Variants in KCNMA1 observed in about 807,000 individuals in gnomAD.
KCNMA1 encodes potassium calcium-activated channel subfamily M alpha 1.
A neutral mutation model predicts 140.0 loss-of-function variants in KCNMA1; 29 were observed. The ratio of observed to expected loss-of-function variants is 0.21; its 90% CI spans 0.15 to 0.28. The LOEUF (loss-of-function observed/expected upper bound fraction) is 0.28, where lower values mean the gene tolerates loss of function less well. Among genes scored for constraint, KCNMA1 ranks in the 10% least tolerant of loss-of-function variants. The pLI is 1.00. For missense variants in KCNMA1, 880 were observed against 1,602.2 expected (o/e 0.55, Z 7.70); for synonymous variants, 612 against 611.9 (o/e 1.00, Z 0.00).
At chr10:77,393,215 G>A (rs918085141) in intron 2 of KCNMA1, among the ~76,000 whole-genome samples, 1 of 152,226 alleles carries the variant, frequency 6.6e-6, no homozygotes. Flanking sequence ...CCTTTCAGAT[G>A]GCCCTGCCCA....
intron 2 of KCNMA1, among the ~76,000 whole-genome samples, chr10:77,375,033 C>T (rs888615853): frequency 1.5e-5 from 1 of 66,500 alleles, no homozygotes; most frequent in African/African-American, 7.5e-5. Context: ...TTACCCAATG[C>T]AGTCATCCAA....
At chr10:77,548,421 C>CA (rs2061958243) in intron 1 of KCNMA1, among the ~76,000 whole-genome samples, 1 of 152,224 alleles carries the variant, frequency 6.6e-6, no homozygotes, top group Admixed American at 6.5e-5. Context: ...GAAGGCTTCT[C>CA]CAAAGCTGTC....
intron 14 of KCNMA1, among the ~76,000 whole-genome samples, chr10:77,058,014 A>G (rs1332749506): frequency 6.6e-6 from 1 of 152,012 alleles, no homozygotes; most frequent in Admixed American, 6.6e-5. Context: ...AACTGTCTAT[A>G]AGAAGATCAC....
At chr10:77,136,644 C>G (rs2098039953) in intron 5 of KCNMA1, among the ~76,000 whole-genome samples, 1 of 146,894 alleles carries the variant, frequency 6.8e-6, no homozygotes, top group African/African-American at 2.5e-5. Flanking sequence ...TATGATAAAA[C>G]TATGAAAACT....
chr10:76,956,090 T>C (rs1027300949), intron 20 of KCNMA1, among the ~76,000 whole-genome samples: 5 of 152,214 alleles, frequency 3.3e-5, no homozygotes, highest in African/African-American at 9.6e-5. Flanking sequence ...AAAACACTTT[T>C]AGAAAATGTG....
At chr10:77,394,780 G>A (rs1007174557) in intron 2 of KCNMA1, among the ~76,000 whole-genome samples, 1 of 152,112 alleles carries the variant, frequency 6.6e-6, no homozygotes, top group African/African-American at 2.4e-5. Flanking sequence ...AGCAAGTCCT[G>A]TAGGCCACTT....
intron 18 of KCNMA1, among the ~76,000 whole-genome samples, chr10:77,003,412 T>TGAA (rs1270235186): frequency 6.6e-6 from 1 of 152,204 alleles, no homozygotes; most frequent in East Asian, 1.9e-4. Flanking sequence ...CAGCAACGGC[T>TGAA]GAAGTCAAGA....
At chr10:77,495,408 C>A (rs2041532854) in intron 1 of KCNMA1, among the ~76,000 whole-genome samples, 1 of 152,194 alleles carries the variant, frequency 6.6e-6, no homozygotes, top group Non-Finnish European at 1.5e-5. Context: ...CCAGGTCCAC[C>A]TCGGTCACGA....
chr10:77,270,240 C>T lies in KCNMA1; in HGVS notation c.541-18984G>A, dbSNP rs552404226. ...GACTCTCTAACTCCAACTAAATCCA[C>T]ACCATTTTTGAGCAAAATGGGGGTT... is the stretch of plus-strand genomic sequence containing the variant. On this transcript the variant is annotated intron_variant, in intron 2 of 27. Coordinates refer to ENST00000286628, the MANE Select transcript of KCNMA1 (RefSeq NM_001161352.2). Among the ~76,000 whole-genome samples the T allele has an allele frequency of 1.1e-4, 17 of 152,308 alleles. No homozygotes were observed. In the East Asian group the frequency reaches 3.3e-3, roughly 30 times the overall value.
At chr10:77,327,907 C>T (rs1388125554) in intron 2 of KCNMA1, among the ~76,000 whole-genome samples, 1 of 152,078 alleles carries the variant, frequency 6.6e-6, no homozygotes, top group Non-Finnish European at 1.5e-5. Context: ...TTTATGTCAA[C>T]ACAACCCCAG....
At chr10:77,179,208 A>G (rs1234305516) in intron 5 of KCNMA1, among the ~76,000 whole-genome samples, 1 of 152,220 alleles carries the variant, frequency 6.6e-6, no homozygotes, top group African/African-American at 2.4e-5. Context: ...CCTGAGGCAG[A>G]TAAAATGCTC....
At chr10:76,941,591 C>T (rs1003887589) in intron 23 of KCNMA1, among the ~76,000 whole-genome samples, 1 of 152,156 alleles carries the variant, frequency 6.6e-6, no homozygotes, top group African/African-American at 2.4e-5. Context: ...AACAATGGGA[C>T]ATAAAGTCTT....
intron 2 of KCNMA1, among the ~76,000 whole-genome samples, chr10:77,293,652 T>G (rs2607798): frequency 0.84 from 127,569 of 152,218 alleles, 53,627 homozygotes; most frequent in Middle Eastern, 0.9. Flanking sequence ...CCTCCAACCT[T>G]CCCCTTGGCC....
At chr10:77,251,383 C>T (rs2059633362) in intron 2 of KCNMA1, 127 bp from the exon 3 acceptor site, 1 of 737,056 alleles carries the variant, frequency 1.4e-6, no homozygotes, top group Non-Finnish European at 2.4e-6. Flanking sequence ...TTGGAAATCT[C>T]ACCCTCATCC....
chr10:76,949,060 G>C, intron 22 of KCNMA1, 82 bp downstream of exon 22: 1 of 1,116,350 alleles, frequency 9.0e-7, no homozygotes. Flanking sequence ...CATGATCAAA[G>C]CTACAACTAT....
At chr10:77,477,023 C>A (rs2098294578) in intron 1 of KCNMA1, among the ~76,000 whole-genome samples, 1 of 152,168 alleles carries the variant, frequency 6.6e-6, no homozygotes, top group Admixed American at 6.5e-5. Flanking sequence ...CGAAAACCAG[C>A]AAGAGAACTG....
At chr10:76,920,327 A>G (rs2055197301) in intron 23 of KCNMA1, among the ~76,000 whole-genome samples, 1 of 152,048 alleles carries the variant, frequency 6.6e-6, no homozygotes, top group Non-Finnish European at 1.5e-5. Context: ...AGTGCTTACT[A>G]TGTACTGAAT....
rs192930778 is a variant in KCNMA1 at position 77,082,582 on chromosome 10, T to A, written c.1523+2055A>T. On this transcript the variant is annotated intron_variant, in intron 12 of 27. Coordinates refer to ENST00000286628, the MANE Select transcript of KCNMA1 (RefSeq NM_001161352.2). ...CCTTAAAGGGTTACATTTTTTTTTT[T>A]AAATCATTTCCAATGACAGAAAAAG... 8.7e-4 allele frequency among the ~76,000 whole-genome samples: 133 copies of A among 152,146 alleles called. 1 individual carries two copies. The highest frequency in any genetic ancestry group is 2.4e-3 in the African/African-American group (101 of 41,484).
chr10:77,038,758 C>T (rs1390334987), intron 15 of KCNMA1, among the ~76,000 whole-genome samples: 1 of 152,164 alleles, frequency 6.6e-6, no homozygotes, highest in African/African-American at 2.4e-5. Flanking sequence ...CCAGGCTAGT[C>T]TTGAATGCCT....
Sources: allele counts gnomAD v4.1 joint callset (sites outside exome capture counted in the v4.1 genomes callset), GRCh38; gene constraint gnomAD v4.1.1; transcripts MANE v1.5; gene names NCBI Gene and HGNC (gene_info 2026-07-23, HGNC 2026-07-21).